The following SMG6 variants were observed in gnomAD, a reference collection of about 807,000 sequenced individuals.
SMG6 encodes the protein telomerase-binding protein EST1A.
A neutral mutation model predicts 142.2 loss-of-function variants in SMG6; 66 were observed. That is an observed-to-expected ratio of 0.46 (90% CI 0.38 to 0.57). The LOEUF (loss-of-function observed/expected upper bound fraction) is 0.57, where lower values mean the gene tolerates loss of function less well. SMG6 is among the 20% of genes least tolerant of loss of function. The pLI is 0.00. For synonymous variants in SMG6, 779 were observed against 702.4 expected (o/e 1.11, Z -1.72); for missense variants, 1,793 against 1,832.0 (o/e 0.98, Z 0.39).
intron 10 of SMG6, among the ~76,000 whole-genome samples, chr17:2,224,981 A>C (rs2073275350): frequency 6.6e-6 from 1 of 152,240 alleles, no homozygotes; most frequent in South Asian, 2.1e-4. Context: ...TGGGCTGAGC[A>C]AAAGTAACTG....
At chr17:2,198,604 T>C (rs921939286) in intron 10 of SMG6, among the ~76,000 whole-genome samples, 3 of 152,142 alleles carry the variant, frequency 2.0e-5, no homozygotes, top group Non-Finnish European at 4.4e-5. Flanking sequence ...GGGTGAAGGG[T>C]GCATAAGACC....
At chr17:2,178,446 G>A (rs867512231) in intron 12 of SMG6, among the ~76,000 whole-genome samples, 3 of 152,156 alleles carry the variant, frequency 2.0e-5, no homozygotes, top group African/African-American at 7.2e-5. Context: ...CCAACAAGTC[G>A]ACTTGGGACT....
At chr17:2,189,633 G>A (rs2072098244) in intron 10 of SMG6, among the ~76,000 whole-genome samples, 1 of 152,076 alleles carries the variant, frequency 6.6e-6, no homozygotes, top group African/African-American at 2.4e-5. Flanking sequence ...TAGCCAAGGG[G>A]AGCCCTCTCA....
intron 10 of SMG6, chr17:2,214,050 A>AC (rs2072940883): frequency 6.6e-6 from 1 of 152,420 alleles, no homozygotes; most frequent in Non-Finnish European, 1.5e-5. Flanking sequence ...TGGGGAGAGG[A>AC]CCGGGGGACC....
At chr17:2,196,688 A>T (rs1195156108) in intron 10 of SMG6, among the ~76,000 whole-genome samples, 1 of 152,214 alleles carries the variant, frequency 6.6e-6, no homozygotes, top group Non-Finnish European at 1.5e-5. Flanking sequence ...ATTTCAAACA[A>T]TTCTGAAAAA....
At chr17:2,187,109 C>T (rs899717770) in intron 11 of SMG6, among the ~76,000 whole-genome samples, 5 of 152,224 alleles carry the variant, frequency 3.3e-5, no homozygotes, top group Non-Finnish European at 5.9e-5. Context: ...CCCTTCCAGC[C>T]TTCCTTCAGC....
chr17:2,267,873 G>T (rs1368077411), intron 8 of SMG6, among the ~76,000 whole-genome samples: 1 of 151,106 alleles, frequency 6.6e-6, no homozygotes, highest in Non-Finnish European at 1.5e-5. Flanking sequence ...TCAACCTCCC[G>T]AGTAGATGGG....
intron 10 of SMG6, among the ~76,000 whole-genome samples, chr17:2,208,047 T>A (rs1239669060): frequency 6.6e-6 from 1 of 152,126 alleles, no homozygotes; most frequent in Non-Finnish European, 1.5e-5. Context: ...GAGGATGGCT[T>A]AAGCCCAGGA....
intron 8 of SMG6, among the ~76,000 whole-genome samples, chr17:2,272,734 C>T (rs903670306): frequency 2.6e-5 from 4 of 151,798 alleles, no homozygotes; most frequent in South Asian, 2.1e-4. Context: ...GTCAAGAAAT[C>T]GAGACCATCT....
At chr17:2,149,206 C>T (rs1405590072) in intron 13 of SMG6, among the ~76,000 whole-genome samples, 6 of 151,736 alleles carry the variant, frequency 4.0e-5, no homozygotes, top group Non-Finnish European at 2.9e-5. Context: ...AAAAATTAGC[C>T]GGGCGTGGTG....
intron 10 of SMG6, among the ~76,000 whole-genome samples, chr17:2,189,277 G>A (rs747208578): frequency 6.6e-6 from 1 of 152,128 alleles, no homozygotes; most frequent in Admixed American, 6.5e-5. Context: ...ACCGAAAGGA[G>A]CCATCTTTTT....
chr17:2,248,571 G>C (rs370011473), intron 8 of SMG6, among the ~76,000 whole-genome samples: 1 of 152,082 alleles, frequency 6.6e-6, no homozygotes, highest in Non-Finnish European at 1.5e-5. Flanking sequence ...GCAAAAAGTC[G>C]ATTTCAATGC....
chr17:2,141,136 A>G (rs989226576), intron 13 of SMG6, among the ~76,000 whole-genome samples: 3 of 152,236 alleles, frequency 2.0e-5, no homozygotes, highest in Non-Finnish European at 4.4e-5. Flanking sequence ...GCCACATTTC[A>G]AGTATTCAAA....
intron 13 of SMG6, among the ~76,000 whole-genome samples, chr17:2,102,141 C>T (rs2069025360): frequency 6.6e-6 from 1 of 152,176 alleles, no homozygotes; most frequent in Admixed American, 6.5e-5. Context: ...TGAGCCCTGT[C>T]TGCAAGATGC....
intron 13 of SMG6, among the ~76,000 whole-genome samples, chr17:2,142,363 G>A (rs2070507798): frequency 1.3e-5 from 2 of 152,254 alleles, no homozygotes; most frequent in East Asian, 3.9e-4. Flanking sequence ...TGCAACTCAA[G>A]GCTGGGTGTG....
intron 2 of SMG6, 123 bp downstream of exon 2, chr17:2,298,783 A>G (rs1261873956): frequency 4.6e-6 from 4 of 867,058 alleles, no homozygotes; most frequent in Non-Finnish European, 7.1e-6. Flanking sequence ...CTTCCCTTAC[A>G]ACGTGAAAAG....
chr17:2,145,240 A>G, intron 13 of SMG6, among the ~76,000 whole-genome samples: 1 of 151,054 alleles, frequency 6.6e-6, no homozygotes, highest in East Asian at 1.9e-4. Context: ...CAGCCTTCTG[A>G]GTAGCTGGGA....
intron 10 of SMG6, among the ~76,000 whole-genome samples, chr17:2,231,005 T>G (rs553659827): frequency 9.2e-5 from 14 of 151,938 alleles, no homozygotes; most frequent in South Asian, 2.1e-4. Context: ...GGAGGAGGAA[T>G]GAGGGGGCCA....
At chr17:2,213,131 T>C (rs1326218821) in intron 10 of SMG6, among the ~76,000 whole-genome samples, 1 of 152,244 alleles carries the variant, frequency 6.6e-6, no homozygotes, top group Non-Finnish European at 1.5e-5. Context: ...CACCCTGGCC[T>C]AAACCATAGG....
Sources: gnomAD v4.1 joint callset for allele counts (sites outside exome capture counted in the v4.1 genomes callset) on GRCh38, gnomAD v4.1.1 for gene constraint, MANE v1.5 for transcripts, NCBI Gene and HGNC (gene_info 2026-07-23, HGNC 2026-07-21) for gene names.